Variants in STAT5A observed in about 807,000 individuals in gnomAD.
STAT5A encodes the protein epididymis secretory sperm binding protein.
In STAT5A, 26 loss-of-function variants were observed where a neutral mutation model predicts 100.2. The ratio of observed to expected loss-of-function variants is 0.26; its 90% CI spans 0.19 to 0.36. The LOEUF (loss-of-function observed/expected upper bound fraction) is 0.36. Ranked by LOEUF, STAT5A falls within the 10% of genes least tolerant of loss-of-function variation. STAT5A has a pLI of 1.00. For missense variants in STAT5A, 634 were observed against 1,027.5 expected (o/e 0.62, Z 5.24); for synonymous variants, 330 against 424.3 (o/e 0.78, Z 2.73).
chr17:42,303,316 T>C (rs1202995370), intron 9 of STAT5A, among the ~76,000 whole-genome samples: 3 of 152,190 alleles, frequency 2.0e-5, no homozygotes, highest in African/African-American at 7.2e-5. Context: ...ACCTTCTCAC[T>C]GCCTTTGAGC....
chr17:42,297,714 G>C (rs1235836964), intron 5 of STAT5A, among the ~76,000 whole-genome samples: 1 of 152,096 alleles, frequency 6.6e-6, no homozygotes, highest in Non-Finnish European at 1.5e-5. Context: ...GATACCCGAG[G>C]TAGCCGTGCA....
In STAT5A at chr17:42,301,303, C is replaced by A; in HGVS notation, c.1018C>A (p.Gln340Lys). The stretch of plus-strand genomic sequence containing the variant: ...ATTCATCATTGAGAAGCAGCCTCCT[C>A]AGGTCCTGAAGACCCAGACCAAGTT... ...STFIIEKQPP[Q>K]VLKTQTKFAA... is the part of the protein sequence containing the mutation. Residue 340 changes from glutamine (Q) to lysine (K), a missense_variant, in exon 9 of 19, where the codon CAG (glutamine) becomes AAG (lysine). Gln to Lys is a moderately conservative substitution (Grantham distance 53). This residue lies in a region of STAT5A where 98 missense variants were observed against 149.7 expected (regional missense o/e 0.65). Transcript: ENST00000590949. The A allele has an allele frequency of 6.2e-7, 1 of 1,614,142 alleles. No homozygotes were observed. The highest frequency in any genetic ancestry group is 8.5e-7 in the Non-Finnish European group (1 of 1,180,004).
intron 8 of STAT5A, 35 bp downstream of exon 8, chr17:42,300,905 G>C (rs1404989125): frequency 1.2e-6 from 2 of 1,610,044 alleles, no homozygotes; most frequent in Non-Finnish European, 1.7e-6. Context: ...CCAGGAGCTT[G>C]GGGCAGCTCC....
chr17:42,305,107 G>A (rs886835501), intron 11 of STAT5A, among the ~76,000 whole-genome samples: 1 of 152,206 alleles, frequency 6.6e-6, no homozygotes, highest in Non-Finnish European at 1.5e-5. Context: ...GGCTGAGGCA[G>A]GAGGATCACT....
chr17:42,305,898 C>G (rs2081024116), intron 12 of STAT5A, among the ~76,000 whole-genome samples, 196 bp downstream of exon 12: 1 of 152,176 alleles, frequency 6.6e-6, no homozygotes, highest in Non-Finnish European at 1.5e-5. Flanking sequence ...TTCCAGGTTC[C>G]TGGACTGGGG....
rs376620901 is a variant in STAT5A, at chr17:42,299,739, T to C, written c.551-12T>C. 7.9e-5 allele frequency: 127 copies of C among 1,613,952 alleles called. No homozygotes were observed. Among genetic ancestry groups the C allele is most frequent in the South Asian group, 1.1e-4 (10 of 91,086 alleles). On this transcript the variant is annotated splice_polypyrimidine_tract_variant and intron_variant, in intron 5 of 18. Transcript: ENST00000590949. ...GGAGGTGATGGTCATGGTTTCCTCT[T>C]CTCTCCTCTAGCTCAGTTTGCCCAG...
chr17:42,299,031 T>C (rs2080948968), intron 5 of STAT5A, among the ~76,000 whole-genome samples: 3 of 152,070 alleles, frequency 2.0e-5, no homozygotes, highest in African/African-American at 7.3e-5. Context: ...ACAAACATGC[T>C]GGGCCCCTTC....
At chr17:42,297,466 T>C (rs28380298) in intron 5 of STAT5A, among the ~76,000 whole-genome samples, 45,236 of 151,212 alleles carry the variant, frequency 0.3, 7,041 homozygotes, top group South Asian at 0.41. Context: ...GGATCTATCA[T>C]GCAGTGTCTT....
In STAT5A at chr17:42,308,099, G is replaced by A; in HGVS notation, c.1907-79G>A. On this transcript the variant is annotated intron_variant, in intron 15 of 18. Coordinates refer to ENST00000590949, the MANE Select transcript of STAT5A (RefSeq NM_001288718.2). The surrounding 1 kb of genome is among the most constrained non-coding windows in gnomAD (Gnocchi z 4.6). Reference sequence around the variant, plus strand: ...CTATATAAAAGCCCAGATTTCTCTTGCAAGCCTGCCCTAAAGCCCCACAAC... The same window carrying A: ...CTATATAAAAGCCCAGATTTCTCTTACAAGCCTGCCCTAAAGCCCCACAAC... 1 of 1,564,402 alleles carries A rather than the reference G, an allele frequency of 6.4e-7. No individual in the cohort carries two copies. The highest frequency in any genetic ancestry group is 8.7e-7 in the Non-Finnish European group (1 of 1,151,786).
At chr17:42,289,245 C>T (rs2144487013) in intron 1 of STAT5A, 157 bp from the exon 2 acceptor site, 1 of 823,130 alleles carries the variant, frequency 1.2e-6, no homozygotes, top group East Asian at 3.2e-5. Flanking sequence ...CCCTCCACTC[C>T]TCACCATCTC....
intron 2 of STAT5A, 124 bp downstream of exon 2, chr17:42,289,663 G>A: frequency 6.9e-7 from 1 of 1,451,580 alleles, no homozygotes. Context: ...GTGCGGAAGG[G>A]GTGGTGCCCC....
Position 42,308,990 on chromosome 17 carries a change from A to G in STAT5A, c.2063-57A>G. The G allele has an allele frequency of 6.2e-7, 1 of 1,612,636 alleles. No individual in the cohort carries two copies. The highest frequency in any genetic ancestry group is 8.5e-7 in the Non-Finnish European group (1 of 1,178,716). On this transcript the variant is annotated intron_variant, in intron 16 of 18. Coordinates refer to ENST00000590949, the MANE Select transcript of STAT5A (RefSeq NM_001288718.2). The surrounding 1 kb of genome is among the most constrained non-coding windows in gnomAD (Gnocchi z 4.6). Reference sequence around the variant, plus strand: ...GAGACTACATGGGGCGTGGGCTTCCACCCCACTTGGGAGTTCCCAGAGACT... The same window carrying G: ...GAGACTACATGGGGCGTGGGCTTCCGCCCCACTTGGGAGTTCCCAGAGACT...
chr17:42,300,969 G>T, intron 8 of STAT5A, 99 bp downstream of exon 8: 2 of 1,580,254 alleles, frequency 1.3e-6, no homozygotes, highest in Non-Finnish European at 1.7e-6. Flanking sequence ...TCCACTTCCT[G>T]CCTCTCATCC....
chr17:42,301,960 A>G (rs1021501876), intron 9 of STAT5A, among the ~76,000 whole-genome samples: 3 of 152,088 alleles, frequency 2.0e-5, no homozygotes, highest in African/African-American at 7.2e-5. Context: ...CTTGAGCCCA[A>G]AAGTTTGAGT....
rs777430542 is a variant in STAT5A, at chr17:42,306,234, C to T, written c.1474-7C>T. The T allele has an allele frequency of 6.2e-7, 1 of 1,614,020 alleles. No individual in the cohort carries two copies. Among genetic ancestry groups the T allele is most frequent in the South Asian group, 1.1e-5 (1 of 91,076 alleles). ...CTACCTTTTCCCCTCTCTTGTCTCC[C>T]TCTCAGGGCAGGGTGCCATTTGCCG... On this transcript the variant is annotated splice_polypyrimidine_tract_variant and splice_region_variant and intron_variant, in intron 12 of 18. Coordinates refer to ENST00000590949, the MANE Select transcript of STAT5A (RefSeq NM_001288718.2).
In STAT5A at chr17:42,305,594, C is replaced by T. The variant is rs1218838897; in HGVS notation, c.1381-16C>T. On this transcript the variant is annotated splice_polypyrimidine_tract_variant and intron_variant, in intron 11 of 18. Coordinates refer to ENST00000590949, the MANE Select transcript of STAT5A (RefSeq NM_001288718.2). ...TGGTCACGCCCCATCAACTTGGGTT[C>T]CTTTGACTCCTGTAGACTCTGTCCC... 6.2e-7 allele frequency: 1 copy of T among 1,613,322 alleles called. No homozygotes were observed. The highest frequency in any genetic ancestry group is 8.5e-7 in the Non-Finnish European group (1 of 1,179,380).
intron 3 of STAT5A, 121 bp from the exon 4 acceptor site, chr17:42,291,851 C>A: frequency 1.0e-6 from 1 of 971,486 alleles, no homozygotes; most frequent in South Asian, 1.5e-5. Flanking sequence ...GGGGATAGTT[C>A]CTGAGGCTCC....
At position 42,304,593 on chromosome 17, in the gene STAT5A, A is replaced by G. The variant is rs760537067; in HGVS notation, c.1321A>G (p.Thr441Ala). The G allele has an allele frequency of 1.2e-6, 2 of 1,614,206 alleles. No homozygotes were observed. The highest frequency in any genetic ancestry group is 1.7e-6 in the Non-Finnish European group (2 of 1,180,044). The stretch of plus-strand genomic sequence containing the variant: ...AGAGTCCGTGACAGAGGAGAAGTTC[A>G]CAGTCCTGTTTGAGTCTCAGTTCAG... ...GAESVTEEKFTVLFESQFSVG... is the reference protein window; with the variant it reads ...GAESVTEEKFAVLFESQFSVG... Residue 441 changes from threonine to alanine, a missense_variant, in exon 11 of 19, where the codon ACA (threonine) becomes GCA (alanine). By Grantham distance (58) the Thr-to-Ala change is moderately conservative (BLOSUM62 0). This residue lies in a region of STAT5A where 210 missense variants were observed against 428.4 expected (regional missense o/e 0.49). Coordinates refer to ENST00000590949, the MANE Select transcript of STAT5A (RefSeq NM_001288718.2). This position sits in a 1 kb window ranked among gnomAD's most constrained non-coding sequence, Gnocchi z 4.8.
chr17:42,308,162 G>T lies in STAT5A; in HGVS notation c.1907-16G>T. 1 of 1,613,186 alleles carries T rather than the reference G, an allele frequency of 6.2e-7. No individual in the cohort carries two copies. Among genetic ancestry groups the T allele is most frequent in the Non-Finnish European group, 8.5e-7 (1 of 1,179,252 alleles). On this transcript the variant is annotated splice_polypyrimidine_tract_variant and intron_variant, in intron 15 of 18. Transcript: ENST00000590949. This position sits in a 1 kb window ranked among gnomAD's most constrained non-coding sequence, Gnocchi z 4.6. ...GCTGCTGGTGGATTATGGGAATGAGGCTGTTCTTTTCACAGCGGAACGCAA... is the reference window on the plus strand; with the variant it reads ...GCTGCTGGTGGATTATGGGAATGAGTCTGTTCTTTTCACAGCGGAACGCAA...
Sources: allele counts gnomAD v4.1 joint callset (sites outside exome capture counted in the v4.1 genomes callset), GRCh38; gene constraint gnomAD v4.1.1; regional missense constraint gnomAD v4.1.1; non-coding constraint Gnocchi (gnomAD v3.1); transcripts MANE v1.5; gene names NCBI Gene and HGNC (gene_info 2026-07-23, HGNC 2026-07-21).